The following PTK2 variants were observed in gnomAD, a reference collection of about 807,000 sequenced individuals.
PTK2 encodes the protein protein tyrosine kinase 2, also known as focal adhesion kinase 1.
In PTK2, 45 loss-of-function variants were observed where a neutral mutation model predicts 150.1. The ratio of observed to expected loss-of-function variants is 0.30; its 90% confidence interval spans 0.24 to 0.38. The LOEUF is 0.38. Among genes scored for constraint, PTK2 ranks in the 10% least tolerant of loss-of-function variants. PTK2 has a pLI of 1.00. For missense variants in PTK2, 919 were observed against 1,307.3 expected (o/e 0.70, Z 4.58); for synonymous variants, 432 against 449.2 (o/e 0.96, Z 0.48).
chr8:140,800,111 TA>T lies in PTK2; in HGVS notation c.1093+347del, dbSNP rs562662294. 1.0e-3 allele frequency among the ~76,000 whole-genome samples: 158 copies of T among 152,332 alleles called. 2 individuals are homozygous for T. Among genetic ancestry groups the T allele is most frequent in the Admixed American group, 4.6e-3 (71 of 15,302 alleles). On this transcript the variant is annotated intron_variant, in intron 12 of 31. Transcript: ENST00000522684. ...AGGACACTTTATTTATAGTGAGTTA[TA>T]ACGGATTCCTTTTTTTAAACCCAGA...
intron 8 of PTK2, among the ~76,000 whole-genome samples, chr8:140,824,455 A>C (rs1395083540): frequency 1.3e-5 from 2 of 152,174 alleles, no homozygotes; most frequent in Non-Finnish European, 2.9e-5. Flanking sequence ...TTAGTTTCCT[A>C]TGGACACAGA....
chr8:140,832,729 G>A (rs2100116209), intron 7 of PTK2, among the ~76,000 whole-genome samples: 1 of 151,874 alleles, frequency 6.6e-6, no homozygotes, highest in South Asian at 2.1e-4. Context: ...GAGGTGTGAG[G>A]GAATGCTGAA....
intron 1 of PTK2, among the ~76,000 whole-genome samples, chr8:140,938,923 G>A (rs1041442596): frequency 2.0e-5 from 3 of 152,006 alleles, no homozygotes; most frequent in African/African-American, 7.2e-5. Flanking sequence ...CAGGAGGATC[G>A]CTTGAGCCCA....
chr8:140,880,323 C>A (rs947056943), intron 3 of PTK2, among the ~76,000 whole-genome samples: 2 of 152,150 alleles, frequency 1.3e-5, no homozygotes, highest in African/African-American at 4.8e-5. Context: ...AGGGAATGTT[C>A]CCTAGAGATG....
intron 13 of PTK2, among the ~76,000 whole-genome samples, chr8:140,790,625 T>C (rs2100087867): frequency 6.6e-6 from 1 of 152,230 alleles, no homozygotes; most frequent in Non-Finnish European, 1.5e-5. Flanking sequence ...GCTCAACTTG[T>C]ACATCGTTTC....
At chr8:140,811,275 G>A (rs895619437) in intron 10 of PTK2, among the ~76,000 whole-genome samples, 2 of 152,182 alleles carry the variant, frequency 1.3e-5, no homozygotes, top group African/African-American at 2.4e-5. Flanking sequence ...CAGAATTAGA[G>A]CACACAGTCC....
At chr8:140,864,427 T>G (rs1365868172) in intron 4 of PTK2, 28 bp from the exon 5 acceptor site, 5 of 1,339,980 alleles carry the variant, frequency 3.7e-6, no homozygotes, top group Non-Finnish European at 5.3e-6. Flanking sequence ...AACAGAACAA[T>G]TAGAAATCAG....
At chr8:140,812,704 G>A (rs532779206) in intron 10 of PTK2, among the ~76,000 whole-genome samples, 34 of 151,934 alleles carry the variant, frequency 2.2e-4, no homozygotes, top group African/African-American at 7.2e-4. Context: ...CATTCAAATG[G>A]AAAACAGAAA....
chr8:140,860,889 T>C (rs1381844148), intron 5 of PTK2, among the ~76,000 whole-genome samples: 2 of 152,220 alleles, frequency 1.3e-5, no homozygotes, highest in African/African-American at 2.4e-5. Context: ...AACAACGACA[T>C]TGCCAATCAC....
rs377205785 is a variant in PTK2 at position 140,693,564 on chromosome 8, TAAAAAAAAAAAAA to T, written c.2500-6883_2500-6871del. ...CCACAGAGTGAGACTTTGTCTCAAT[TAAAAAAAAAAAAA>T]AAAAAAAAAAAAAAAAAAAAAAAAA... On this transcript the variant is annotated intron_variant, in intron 26 of 31. Transcript: ENST00000522684. 5.5e-3 allele frequency among the ~76,000 whole-genome samples: 396 copies of T among 72,454 alleles called. 37 individuals are homozygous for T. The highest frequency in any genetic ancestry group is 0.026 in the East Asian group (57 of 2,164). The allele number at this position is 72,454 out of a possible 152,430, so 47.5% of individuals were successfully genotyped here.
intron 1 of PTK2, among the ~76,000 whole-genome samples, chr8:140,993,982 G>A (rs939317951): frequency 4.6e-5 from 7 of 151,954 alleles, no homozygotes; most frequent in Non-Finnish European, 2.9e-5. Flanking sequence ...TGTCCACCTC[G>A]GCTTCCCAAA....
chr8:140,731,838 G>A (rs775479529), intron 22 of PTK2, among the ~76,000 whole-genome samples: 3 of 152,170 alleles, frequency 2.0e-5, no homozygotes, highest in Non-Finnish European at 2.9e-5. Context: ...GGGAGGTGGA[G>A]GTTGCAGGCA....
chr8:140,842,780 T>C (rs1258051561), intron 7 of PTK2, among the ~76,000 whole-genome samples: 2 of 152,168 alleles, frequency 1.3e-5, no homozygotes, highest in African/African-American at 4.8e-5. Context: ...AATAGCATCC[T>C]AGAACTACAA....
chr8:140,970,359 A>G (rs1290072991), intron 1 of PTK2, among the ~76,000 whole-genome samples: 2 of 152,248 alleles, frequency 1.3e-5, no homozygotes, highest in African/African-American at 2.4e-5. Flanking sequence ...ACATCAGTTA[A>G]GCGAATAAAA....
rs1209382336 is a variant in PTK2 at position 140,704,845 on chromosome 8, G to GA, written c.2229+1273dup. 4.6e-5 allele frequency among the ~76,000 whole-genome samples: 7 copies of GA among 152,082 alleles called. No individual in the cohort carries two copies. The East Asian group carries it at 9.7e-4, about 21-fold the overall frequency. Reference sequence around the variant, plus strand: ...AGGGCCCTGTGAGCTCCTTCCATGAGAAAAAAGAGTACTTTATTTGTCTTC... The same window carrying GA: ...AGGGCCCTGTGAGCTCCTTCCATGAGAAAAAAAGAGTACTTTATTTGTCTTC... On this transcript the variant is annotated intron_variant, in intron 24 of 31. Transcript: ENST00000522684.
In PTK2 at chr8:140,830,413, G is replaced by A. The variant is rs185698669; in HGVS notation, c.648+59C>T. 8.6e-4 allele frequency: 978 copies of A among 1,134,154 alleles called. 6 individuals carry two copies. In the African/African-American group the frequency reaches 0.014, roughly 16 times the overall value. The allele number at this position is 1,134,154 out of a possible 1,614,324, so 70.3% of individuals were successfully genotyped here. On this transcript the variant is annotated intron_variant, in intron 8 of 31. Coordinates refer to ENST00000522684, the Ensembl canonical transcript of PTK2. Reference sequence around the variant, plus strand: ...ACTTTCCCAAAAGCAATTTACCACTGGGGAAAAGGTCTTGGCATAATTTTG... The same window carrying A: ...ACTTTCCCAAAAGCAATTTACCACTAGGGAAAAGGTCTTGGCATAATTTTG...
chr8:140,819,085 T>A, intron 8 of PTK2, 65 bp from the exon 9 acceptor site: 1 of 1,522,688 alleles, frequency 6.6e-7, no homozygotes, highest in East Asian at 2.4e-5. Context: ...ACAACAATAA[T>A]GGTAAGATTT....
chr8:140,772,368 G>A (rs1015799119), intron 14 of PTK2, among the ~76,000 whole-genome samples: 3 of 152,154 alleles, frequency 2.0e-5, no homozygotes, highest in African/African-American at 4.8e-5. Flanking sequence ...GTAGAGCCTG[G>A]ACCACAGAAG....
At chr8:140,863,713 G>A (rs1479911128) in intron 5 of PTK2, among the ~76,000 whole-genome samples, 1 of 152,170 alleles carries the variant, frequency 6.6e-6, no homozygotes, top group Non-Finnish European at 1.5e-5. Flanking sequence ...CAAACACAAA[G>A]CAACTGATGA....
Sources: allele counts gnomAD v4.1 joint callset (sites outside exome capture counted in the v4.1 genomes callset), GRCh38; gene constraint gnomAD v4.1.1; transcripts MANE v1.5; gene names NCBI Gene and HGNC (gene_info 2026-07-23, HGNC 2026-07-21).